CAMKK2: variants seen among roughly 807,000 people sequenced by gnomAD.
CAMKK2 encodes calcium/calmodulin dependent protein kinase kinase 2.
A neutral mutation model predicts 67.2 loss-of-function variants in CAMKK2; 30 were observed. The ratio of observed to expected loss-of-function variants is 0.45; its 90% CI spans 0.33 to 0.61. The LOEUF (loss-of-function observed/expected upper bound fraction) is 0.61. Among genes scored for constraint, CAMKK2 ranks in the 20% least tolerant of loss-of-function variants. CAMKK2 has a pLI of 0.02. For missense variants in CAMKK2, 643 were observed against 802.0 expected (o/e 0.80, Z 2.39); for synonymous variants, 322 against 326.2 (o/e 0.99, Z 0.14).
chr12:121,238,542 T>C lies in CAMKK2; in HGVS notation c.*2157A>G, dbSNP rs1887891619. ...GGGCAGGTCCTTTCCACAGCTTTCT[T>C]TGGTGTTTCTTCATTAAAAGAAAAA... On this transcript the variant is annotated 3_prime_UTR_variant, in exon 17 of 17. Coordinates refer to ENST00000404169, the MANE Select transcript of CAMKK2 (RefSeq NM_001270485.2). 6.6e-6 allele frequency: 1 copy of C among 152,522 alleles called. No individual in the cohort carries two copies. The highest frequency in any genetic ancestry group is 2.1e-4 in the South Asian group (1 of 4,830). The allele number at this position is 152,522 out of a possible 1,614,324, so 9.4% of individuals were successfully genotyped here.
intron 7 of CAMKK2, among the ~76,000 whole-genome samples, chr12:121,257,499 C>T (rs1593340464): frequency 1.3e-5 from 2 of 152,064 alleles, no homozygotes; most frequent in East Asian, 1.9e-4. Flanking sequence ...CCACCCACCT[C>T]GGCCTCCCAA....
At chr12:121,297,337 G>A (rs986209642), upstream of CAMKK2, 1 of 310,360 alleles carries the variant, frequency 3.2e-6, no homozygotes. Context: ...CCACCGACTC[G>A]GGGGAGCCCC....
chr12:121,295,577 T>C (rs1342993019), intron 1 of CAMKK2, among the ~76,000 whole-genome samples: 2 of 152,034 alleles, frequency 1.3e-5, no homozygotes, highest in Non-Finnish European at 2.9e-5. Flanking sequence ...GGGGGAGTGG[T>C]AAATGGCAGC....
intron 5 of CAMKK2, among the ~76,000 whole-genome samples, 195 bp downstream of exon 5, chr12:121,268,443 G>A (rs973290499): frequency 2.0e-5 from 3 of 151,954 alleles, no homozygotes; most frequent in Non-Finnish European, 4.4e-5. Flanking sequence ...CACCCAGGCT[G>A]GAGTGCAGTG....
rs757405954 is a variant in CAMKK2, at chr12:121,253,567, C to A, written c.908-95G>T. On this transcript the variant is annotated intron_variant, in intron 9 of 16. Transcript: ENST00000404169. This position sits in a 1 kb window ranked among gnomAD's most constrained non-coding sequence, Gnocchi z 5.0. ...ATGGCCTGGAGACACAGGCATGGCA[C>A]CCCTCTGATGCCTTGTCTCCCACAG... 1.0e-4 allele frequency: 104 copies of A among 1,030,400 alleles called. No homozygotes were observed. The highest frequency in any genetic ancestry group is 1.6e-4 in the Non-Finnish European group (103 of 661,990). 63.8% of individuals were successfully genotyped at this position (1,030,400 alleles called of 1,614,324 possible). A position where few individuals can be genotyped will look rare whatever the true frequency, so the allele number is the denominator to read the frequency against.
chr12:121,281,243 G>A (rs943227651), intron 1 of CAMKK2, among the ~76,000 whole-genome samples: 2 of 152,250 alleles, frequency 1.3e-5, no homozygotes, highest in African/African-American at 4.8e-5. Flanking sequence ...ATTTCCTAGG[G>A]GCTGTTTCCA....
At chr12:121,248,992 A>G (rs975098515) in intron 13 of CAMKK2, among the ~76,000 whole-genome samples, 5 of 152,244 alleles carry the variant, frequency 3.3e-5, no homozygotes, top group African/African-American at 1.2e-4. Flanking sequence ...GGCCGAAGTG[A>G]TGGGAATTTG....
At chr12:121,250,092 G>C in intron 11 of CAMKK2, 58 bp from the exon 12 acceptor site, 1 of 1,345,650 alleles carries the variant, frequency 7.4e-7, no homozygotes, top group East Asian at 2.4e-5. Flanking sequence ...GCCCTTCGAG[G>C]GCCACCTGTG....
rs1487629414 is a variant in CAMKK2 at position 121,250,159 on chromosome 12, G to C, written c.1162-125C>G. The C allele has an allele frequency of 2.1e-5, 16 of 760,354 alleles. No homozygotes were observed. In the South Asian group the frequency reaches 2.5e-4, roughly 12 times the overall value. 47.1% of individuals were successfully genotyped at this position (760,354 alleles called of 1,614,324 possible). A position where few individuals can be genotyped will look rare whatever the true frequency, so the allele number is the denominator to read the frequency against. Reference sequence around the variant, plus strand: ...AATCAACAATTGCGGCCCAGGCTAGGGGGCAAGCAGTTCCCATTCTCCCCG... The same window carrying C: ...AATCAACAATTGCGGCCCAGGCTAGCGGGCAAGCAGTTCCCATTCTCCCCG... On this transcript the variant is annotated intron_variant, in intron 11 of 16. Transcript: ENST00000404169.
At position 121,274,489 on chromosome 12, in the gene CAMKK2, C is replaced by A; in HGVS notation, c.38G>T (p.Arg13Leu). 2 of 1,612,492 alleles carry A rather than the reference C, an allele frequency of 1.2e-6. No homozygotes were observed. The highest frequency in any genetic ancestry group is 8.5e-7 in the Non-Finnish European group (1 of 1,179,894). Residue 13 changes from arginine (R) to leucine (L), a missense_variant, in exon 2 of 17, where the codon CGG (arginine) becomes CTG (leucine). By Grantham distance (102) the Arg-to-Leu change is moderately radical (BLOSUM62 -2). Coordinates refer to ENST00000404169, the MANE Select transcript of CAMKK2 (RefSeq NM_001270485.2). The part of the protein sequence containing the change: ...SCVSSQPSSN[R>L]AAPQDELGGR... ...CCCCAGCTCATCCTGGGGGGCGGCC[C>A]GGTTGCTGCTGGGCTGGCTAGAGAC...
Position 121,274,270 on chromosome 12 carries a change from G to A in CAMKK2, c.257C>T (p.Ser86Phe), listed in dbSNP as rs1593431259. 1.2e-6 allele frequency: 2 copies of A among 1,612,066 alleles called. No homozygotes were observed. The highest frequency in any genetic ancestry group is 1.1e-5 in the South Asian group (1 of 91,022). ...GAGGTGGGGCCGGGCCTGGGACCCG[G>A]AGGTGTCAAGGGGGACCTCTTGGCC... ...ADGQEVPLDTSGSQARPHLSG... is the reference protein window; with the variant it reads ...ADGQEVPLDTFGSQARPHLSG... The change falls in exon 2 of 17, where the codon TCC (serine) becomes TTC (phenylalanine). Residue 86 changes from serine to phenylalanine, a missense_variant. This residue lies in a region of CAMKK2 where 483 missense variants were observed against 625.8 expected (regional missense o/e 0.77). Coordinates refer to ENST00000404169, the MANE Select transcript of CAMKK2 (RefSeq NM_001270485.2).
chr12:121,261,319 C>G (rs903864299), intron 6 of CAMKK2, among the ~76,000 whole-genome samples: 1 of 152,120 alleles, frequency 6.6e-6, no homozygotes, highest in Admixed American at 6.5e-5. Context: ...ACCCAGGGCC[C>G]CTCGCTAACC....
At position 121,244,687 on chromosome 12, in the gene CAMKK2, C is replaced by G. The variant is rs571229051; in HGVS notation, c.1554-72G>C. 2.3e-5 allele frequency: 29 copies of G among 1,239,196 alleles called. No homozygotes were observed. The East Asian group carries it at 3.3e-4, about 14-fold the overall frequency. The allele number at this position is 1,239,196 out of a possible 1,614,324, so 76.8% of individuals were successfully genotyped here. On this transcript the variant is annotated intron_variant, in intron 15 of 16. Transcript: ENST00000404169. ...GGGATCCACGGGATGCCCGTTCCCC[C>G]ACCCTGAGACACTCAGACCCCAAAC...
At chr12:121,261,035 A>G (rs1217747040) in intron 6 of CAMKK2, among the ~76,000 whole-genome samples, 4 of 151,592 alleles carry the variant, frequency 2.6e-5, no homozygotes, top group Non-Finnish European at 5.9e-5. Context: ...TCTGGGCTCA[A>G]GTGACTCCAC....
rs200585172 is a variant in CAMKK2, at chr12:121,252,718, C to T, written c.1108-4G>A. 6.3e-5 allele frequency: 101 copies of T among 1,613,960 alleles called. No homozygotes were observed. The highest frequency in any genetic ancestry group is 8.3e-5 in the Non-Finnish European group (98 of 1,179,910). ...CCATGGCCCAAACATCCAAGGCCTG[C>T]AAGAAAAAGAGCTTAGTGTGAGGGC... On this transcript the variant is annotated splice_region_variant and splice_polypyrimidine_tract_variant and intron_variant, in intron 10 of 16. Coordinates refer to ENST00000404169, the MANE Select transcript of CAMKK2 (RefSeq NM_001270485.2).
chr12:121,247,474 T>C (rs1889729908), intron 14 of CAMKK2, among the ~76,000 whole-genome samples: 1 of 152,208 alleles, frequency 6.6e-6, no homozygotes, highest in African/African-American at 2.4e-5. Context: ...GGAGGGCAAC[T>C]GATTCAGGAC....
At chr12:121,291,585 CAGAA>C (rs1298222559) in intron 1 of CAMKK2, among the ~76,000 whole-genome samples, 3 of 152,146 alleles carry the variant, frequency 2.0e-5, no homozygotes, top group South Asian at 4.1e-4. Context: ...TCCAGAGAGA[CAGAA>C]AGTAGGCTGG....
chr12:121,240,295 T>C lies in CAMKK2; in HGVS notation c.*404A>G. The C allele has an allele frequency of 1.3e-6, 1 of 763,262 alleles. No homozygotes were observed. Among genetic ancestry groups the C allele is most frequent in the East Asian group, 2.7e-5 (1 of 37,256 alleles). The allele number at this position is 763,262 out of a possible 1,614,324, so 47.3% of individuals were successfully genotyped here. A position where few individuals can be genotyped will look rare whatever the true frequency, so the allele number is the denominator to read the frequency against. On this transcript the variant is annotated 3_prime_UTR_variant, in exon 17 of 17. Coordinates refer to ENST00000404169, the MANE Select transcript of CAMKK2 (RefSeq NM_001270485.2). The surrounding 1 kb of genome is among the most constrained non-coding windows in gnomAD (Gnocchi z 4.4). Reference sequence around the variant, plus strand: ...CTCTCAAATGCAGCAACCACCTCCATGGCCTCAGACCGCCGGAGTTTTCTG... The same window carrying C: ...CTCTCAAATGCAGCAACCACCTCCACGGCCTCAGACCGCCGGAGTTTTCTG...
rs767885015 is a variant in CAMKK2 at position 121,285,004 on chromosome 12, C to A, written c.-59-10419G>T. ...TTATTTCTTCTGTCCCAAGGCCACT[C>A]AGAAGGTCAGAAGCTTTCTTTAGCT... On this transcript the variant is annotated intron_variant, in intron 1 of 16. Coordinates refer to ENST00000404169, the MANE Select transcript of CAMKK2 (RefSeq NM_001270485.2). This position sits in a 1 kb window ranked among gnomAD's most constrained non-coding sequence, Gnocchi z 4.1. 3.3e-5 allele frequency among the ~76,000 whole-genome samples: 5 copies of A among 152,214 alleles called. No individual in the cohort carries two copies. The highest frequency in any genetic ancestry group is 7.3e-5 in the Non-Finnish European group (5 of 68,032).
Sources: allele counts gnomAD v4.1 joint callset (sites outside exome capture counted in the v4.1 genomes callset), GRCh38; gene constraint gnomAD v4.1.1; regional missense constraint gnomAD v4.1.1; non-coding constraint Gnocchi (gnomAD v3.1); transcripts MANE v1.5; gene names NCBI Gene and HGNC (gene_info 2026-07-23, HGNC 2026-07-21).